Variants in CPNE5 observed in about 807,000 individuals in gnomAD.
CPNE5 encodes copine-5.
Under a neutral mutation model 81.1 loss-of-function variants are expected in CPNE5, and 42 were observed. The ratio of observed to expected loss-of-function variants is 0.52; its 90% confidence interval spans 0.40 to 0.67. The LOEUF (loss-of-function observed/expected upper bound fraction) is 0.67. CPNE5 is among the 30% of genes least tolerant of loss of function. The pLI is 0.00. For missense variants in CPNE5, 612 were observed against 815.5 expected, an observed-to-expected ratio of 0.75 and a Z score of 3.04; for synonymous variants, 313 against 321.5, an observed-to-expected ratio of 0.97 and a Z score of 0.28.
At chr6:36,753,001 A>G in intron 14 of CPNE5, 33 bp downstream of exon 14, 1 of 1,578,530 alleles carries the variant, frequency 6.3e-7, no homozygotes. Context: ...CCCTCTCCCC[A>G]AGGCCCATGA....
At chr6:36,777,037 G>T (rs746077511) in intron 9 of CPNE5, among the ~76,000 whole-genome samples, 12 of 152,142 alleles carry the variant, frequency 7.9e-5, no homozygotes, top group Non-Finnish European at 1.6e-4. Context: ...GTGTCTCCTT[G>T]CCCCCGGAAT....
intron 3 of CPNE5, among the ~76,000 whole-genome samples, chr6:36,803,419 T>C (rs1770308797): frequency 6.6e-6 from 1 of 152,218 alleles, no homozygotes; most frequent in African/African-American, 2.4e-5. Context: ...AGTCTATTTC[T>C]ACCCCTCTAG....
Position 36,800,903 on chromosome 6 carries a change from T to C in CPNE5, c.184-833A>G, listed in dbSNP as rs138231806. ...CTGTCAATCTGCCCATCCGTAAGAA[T>C]TGGAATCCTGCCAACAACCACTGGG... On this transcript the variant is annotated intron_variant, in intron 3 of 20. Coordinates refer to ENST00000244751, the MANE Select transcript of CPNE5 (RefSeq NM_020939.2). Among the ~76,000 whole-genome samples, 149 of 152,268 alleles carry C rather than the reference T, an allele frequency of 9.8e-4. 1 individual carries two copies. Among genetic ancestry groups the C allele is most frequent in the African/African-American group, 3.1e-3 (128 of 41,546 alleles).
rs140027543 is a variant in CPNE5, at chr6:36,743,701, G to A, written c.1551C>T (p.Arg517=). The change falls in exon 20 of 21, where the codon CGC becomes CGT. Residue 517 remains arginine, a synonymous_variant. Coordinates refer to ENST00000244751, the MANE Select transcript of CPNE5 (RefSeq NM_020939.2). ...GCCTGGGCTTCACCTGGACGATGTC[G>A]CGTTCAGCCAGCTTCCCCCGGGAGG... ...RISSRGKLAE[R]DIVQFVPFRD... 4.1e-4 allele frequency: 657 copies of A among 1,613,422 alleles called. No individual in the cohort carries two copies. Among genetic ancestry groups the A allele is most frequent in the Non-Finnish European group, 5.3e-4 (624 of 1,179,910 alleles).
At position 36,748,298 on chromosome 6, in the gene CPNE5, C is replaced by G; in HGVS notation, c.972-31G>C. 2.5e-6 allele frequency: 4 copies of G among 1,609,582 alleles called. No individual in the cohort carries two copies. The South Asian group carries it at 3.3e-5, about 13-fold the overall frequency. On this transcript the variant is annotated intron_variant, in intron 14 of 20. Coordinates refer to ENST00000244751, the MANE Select transcript of CPNE5 (RefSeq NM_020939.2). The stretch of plus-strand genomic sequence containing the variant: ...AGAGGGAGAACAGCAGGGGAGTCAC[C>G]TGGAGGGAGGCAGGGCTGTGGGAGG...
In CPNE5 at chr6:36,746,800, G is replaced by T. The variant is rs568772806; in HGVS notation, c.1019-223C>A. ...ACCACCCTCTTGCTTATAGGATGCA[G>T]CAGTCTCCTAACTGATCTCCCACTT... On this transcript the variant is annotated intron_variant, in intron 15 of 20. Transcript: ENST00000244751. The surrounding 1 kb of genome is among the most constrained non-coding windows in gnomAD (Gnocchi z 4.5). 6.6e-6 allele frequency among the ~76,000 whole-genome samples: 1 copy of T among 151,964 alleles called. No individual in the cohort carries two copies. The highest frequency in any genetic ancestry group is 1.5e-5 in the Non-Finnish European group (1 of 67,984).
rs753503580 is a variant in CPNE5 at position 36,775,002 on chromosome 6, G to A, written c.696C>T (p.Phe232=). 6.2e-7 allele frequency: 1 copy of A among 1,614,216 alleles called. No homozygotes were observed. The highest frequency in any genetic ancestry group is 1.1e-5 in the South Asian group (1 of 91,090). Residue 232 remains phenylalanine, a synonymous_variant, in exon 10 of 21, where the codon TTC becomes TTT. Coordinates refer to ENST00000244751, the MANE Select transcript of CPNE5 (RefSeq NM_020939.2). ...TGCAGAGGGCTCTCACGGGAATGGA[G>A]AAAGTTTGCCAGACTGGATTTAGGG... The part of the protein sequence containing the change: ...KNTLNPVWQT[F]SIPVRALCNG...
chr6:36,776,271 C>T (rs1403619153), intron 9 of CPNE5, among the ~76,000 whole-genome samples: 3 of 152,250 alleles, frequency 2.0e-5, no homozygotes, highest in Admixed American at 2.0e-4. Flanking sequence ...CTGGGCTCCA[C>T]CCATACCCAC....
At chr6:36,776,303 T>C (rs78524414) in intron 9 of CPNE5, among the ~76,000 whole-genome samples, 1,980 of 152,308 alleles carry the variant, frequency 0.013, 40 homozygotes, top group African/African-American at 0.045. Context: ...CATTTCTTCT[T>C]TGGCAATTTT....
intron 20 of CPNE5, 181 bp from the exon 21 acceptor site, chr6:36,742,667 G>A: frequency 2.0e-6 from 2 of 984,026 alleles, no homozygotes; most frequent in Non-Finnish European, 2.4e-6. Context: ...TGGGCAGTCA[G>A]TAACTATAGT....
intron 3 of CPNE5, among the ~76,000 whole-genome samples, chr6:36,817,092 G>A (rs150330166): frequency 0.016 from 2,426 of 152,318 alleles, 59 homozygotes; most frequent in African/African-American, 0.05. Context: ...TTGGGAGGCT[G>A]AGGCGGATGG....
chr6:36,774,047 T>C, intron 10 of CPNE5, among the ~76,000 whole-genome samples: 1 of 147,058 alleles, frequency 6.8e-6, no homozygotes, highest in Admixed American at 6.8e-5. Flanking sequence ...GTCCCTTCAC[T>C]CCAGCCTGGG....
chr6:36,751,319 A>G lies in CPNE5; in HGVS notation c.971+1715T>C, dbSNP rs1764795944. Among the ~76,000 whole-genome samples the G allele has an allele frequency of 4.6e-5, 7 of 152,346 alleles. No individual in the cohort carries two copies. In the South Asian group the frequency reaches 1.5e-3, roughly 32 times the overall value. On this transcript the variant is annotated intron_variant, in intron 14 of 20. Coordinates refer to ENST00000244751, the MANE Select transcript of CPNE5 (RefSeq NM_020939.2). ...TCATCCCACCCCACCCGCTAACTGC[A>G]AGTCAGGCAGGCTAGACTGATTCAT... is the stretch of plus-strand genomic sequence containing the variant.
chr6:36,749,031 G>A (rs1562090408), intron 14 of CPNE5, among the ~76,000 whole-genome samples: 2 of 152,136 alleles, frequency 1.3e-5, no homozygotes, highest in East Asian at 1.9e-4. Context: ...CAACCTCCTG[G>A]GCTCAAGCAG....
chr6:36,785,075 T>TAAAAAATATGTTTTAAA (rs1358848184), intron 8 of CPNE5, among the ~76,000 whole-genome samples: 1 of 152,220 alleles, frequency 6.6e-6, no homozygotes, highest in African/African-American at 2.4e-5. Context: ...CCTATCTTTT[T>TAAAAAATATGTTTTAAA]AAAAAACATA....
chr6:36,839,851 G>C (rs1387956288), upstream of CPNE5: 3 of 151,292 alleles, frequency 2.0e-5, no homozygotes, highest in East Asian at 1.9e-4. The surrounding 1 kb of genome is among the most constrained non-coding windows in gnomAD (Gnocchi z 7.3). Context: ...GCGGGGCGCC[G>C]GCAGCGCGGA....
intron 6 of CPNE5, among the ~76,000 whole-genome samples, chr6:36,797,286 G>A (rs544392303): frequency 6.6e-6 from 1 of 152,384 alleles, no homozygotes; most frequent in South Asian, 2.1e-4. Context: ...CCCTTTCCCG[G>A]CCGCTTTGCC....
At chr6:36,809,995 T>C (rs1182290087) in intron 3 of CPNE5, among the ~76,000 whole-genome samples, 1 of 151,948 alleles carries the variant, frequency 6.6e-6, no homozygotes, top group African/African-American at 2.4e-5. Context: ...CATCTCCACT[T>C]TACCGATGAA....
rs376826229 is a variant in CPNE5, at chr6:36,742,178, G to A, written c.*90C>T. 2.1e-5 allele frequency: 22 copies of A among 1,031,662 alleles called. No homozygotes were observed. Among genetic ancestry groups the A allele is most frequent in the East Asian group, 1.5e-4 (6 of 39,596 alleles). 63.9% of individuals were successfully genotyped at this position (1,031,662 alleles called of 1,614,324 possible). A position where few individuals can be genotyped will look rare whatever the true frequency, so the allele number is the denominator to read the frequency against. Reference sequence around the variant, plus strand: ...CAGGCACACAGATGTCCCAAAGGCCGGGCAGGCCAACTTCGGGGAGTCTGG... The same window carrying A: ...CAGGCACACAGATGTCCCAAAGGCCAGGCAGGCCAACTTCGGGGAGTCTGG... On this transcript the variant is annotated 3_prime_UTR_variant, in exon 21 of 21. Coordinates refer to ENST00000244751, the MANE Select transcript of CPNE5 (RefSeq NM_020939.2).
Sources: gnomAD v4.1 joint callset for allele counts (sites outside exome capture counted in the v4.1 genomes callset) on GRCh38, gnomAD v4.1.1 for gene constraint, Gnocchi (gnomAD v3.1) non-coding constraint, MANE v1.5 for transcripts, NCBI Gene and HGNC (gene_info 2026-07-23, HGNC 2026-07-21) for gene names.